APBA2: variants seen among roughly 807,000 people sequenced by gnomAD.
APBA2 encodes amyloid-beta A4 precursor protein-binding family A member 2.
A neutral mutation model predicts 75.0 loss-of-function variants in APBA2; 30 were observed. That is an observed-to-expected ratio of 0.40 (90% confidence interval 0.30 to 0.54). The LOEUF (loss-of-function observed/expected upper bound fraction) is 0.54. Ranked by LOEUF, APBA2 falls within the 20% of genes least tolerant of loss-of-function variation. APBA2 has a pLI of 0.49. For missense variants in APBA2, 801 were observed against 1,016.1 expected, an observed-to-expected ratio of 0.79 and a Z score of 2.88; for synonymous variants, 444 against 409.6, an observed-to-expected ratio of 1.08 and a Z score of -1.01.
At chr15:29,101,517 C>T (rs2044121780) in intron 9 of APBA2, 82 bp from the exon 10 acceptor site, 2 of 1,485,398 alleles carry the variant, frequency 1.3e-6, no homozygotes, top group Non-Finnish European at 1.8e-6. Flanking sequence ...CAGGCTTGAG[C>T]CACCATGCCC....
Position 29,024,699 on chromosome 15 carries a change from C to G in APBA2, c.-41+28893C>G, listed in dbSNP as rs148245150. On this transcript the variant is annotated intron_variant, in intron 3 of 14. Transcript: ENST00000683413. ...GAAACAACAGCAGAATCTCATAGGA[C>G]GAGAATTTTTCTTCCTGTTTGTAGG... is the stretch of plus-strand genomic sequence containing the variant. Among the ~76,000 whole-genome samples, 120 of 152,254 alleles carry G rather than the reference C, an allele frequency of 7.9e-4. 1 individual carries two copies. In the East Asian group the frequency reaches 0.018, roughly 23 times the overall value.
At chr15:29,113,096 A>C (rs1170052843) in intron 13 of APBA2, among the ~76,000 whole-genome samples, 1 of 152,108 alleles carries the variant, frequency 6.6e-6, no homozygotes, top group Non-Finnish European at 1.5e-5. Context: ...TTTCTCCGCT[A>C]GTCCGTGCTG....
At chr15:29,018,917 C>T (rs2039811619) in intron 3 of APBA2, among the ~76,000 whole-genome samples, 1 of 152,156 alleles carries the variant, frequency 6.6e-6, no homozygotes, top group Admixed American at 6.5e-5. Context: ...TTAACTGGGA[C>T]ATGAGGATCC....
intron 2 of APBA2, chr15:28,990,905 A>C (rs926685247): frequency 1.3e-5 from 2 of 152,190 alleles, no homozygotes; most frequent in Non-Finnish European, 2.9e-5. Flanking sequence ...CAAACAAAAC[A>C]ATTGTTTCTG....
intron 3 of APBA2, among the ~76,000 whole-genome samples, chr15:29,007,248 C>A (rs2039165347): frequency 6.6e-6 from 1 of 152,116 alleles, no homozygotes; most frequent in Non-Finnish European, 1.5e-5. Context: ...CAAAATAGAT[C>A]AAAGACCTGA....
At position 29,053,833 on chromosome 15, in the gene APBA2, T is replaced by G; in HGVS notation, c.-40-12T>G. 6.6e-7 allele frequency: 1 copy of G among 1,524,744 alleles called. No individual in the cohort carries two copies. The highest frequency in any genetic ancestry group is 8.9e-7 in the Non-Finnish European group (1 of 1,117,534). 94.5% of individuals were successfully genotyped at this position (1,524,744 alleles called of 1,614,324 possible). Reference sequence around the variant, plus strand: ...GTTTTGACTCTGTCCTTCCCAATGTTCCTCCCCACAGTGGCTGCCTCCGGG... The same window carrying G: ...GTTTTGACTCTGTCCTTCCCAATGTGCCTCCCCACAGTGGCTGCCTCCGGG... On this transcript the variant is annotated splice_polypyrimidine_tract_variant and intron_variant, in intron 3 of 14. Transcript: ENST00000683413.
chr15:29,055,549 A>G (rs1256159459), intron 4 of APBA2, among the ~76,000 whole-genome samples: 1 of 152,182 alleles, frequency 6.6e-6, no homozygotes, highest in East Asian at 1.9e-4. Flanking sequence ...TATAAAGAAG[A>G]TGTGATTATT....
At chr15:29,042,426 C>T (rs1287912166) in intron 3 of APBA2, among the ~76,000 whole-genome samples, 2 of 152,024 alleles carry the variant, frequency 1.3e-5, no homozygotes, top group East Asian at 3.9e-4. Flanking sequence ...GTGCATGCCA[C>T]CACGTGTATT....
chr15:29,093,706 C>A (rs1319790258), intron 7 of APBA2, among the ~76,000 whole-genome samples: 1 of 152,148 alleles, frequency 6.6e-6, no homozygotes, highest in Non-Finnish European at 1.5e-5. Flanking sequence ...GCCACGTCAG[C>A]AAAATTAAAT....
chr15:29,019,152 C>G (rs2039824731), intron 3 of APBA2, among the ~76,000 whole-genome samples: 1 of 152,198 alleles, frequency 6.6e-6, no homozygotes, highest in Non-Finnish European at 1.5e-5. Flanking sequence ...CCCCTCACCC[C>G]TGGTGACTTG....
intron 2 of APBA2, among the ~76,000 whole-genome samples, chr15:28,992,651 C>T (rs1003145826): frequency 6.6e-6 from 1 of 152,148 alleles, no homozygotes; most frequent in Non-Finnish European, 1.5e-5. Context: ...CTGGGCTAGT[C>T]TAGGCAAGGC....
chr15:28,897,617 C>CAAA (rs370287342), intron 1 of APBA2, among the ~76,000 whole-genome samples: 39,424 of 78,374 alleles, frequency 0.5, 8,743 homozygotes, highest in Non-Finnish European at 0.58. Context: ...GATTCCGTCT[C>CAAA]AAAAAAAAAA....
chr15:29,079,643 C>T (rs879689361), intron 6 of APBA2, among the ~76,000 whole-genome samples: 1 of 152,088 alleles, frequency 6.6e-6, no homozygotes, highest in Non-Finnish European at 1.5e-5. Flanking sequence ...AGCCTCCTGG[C>T]GTGTCCAGTG....
chr15:29,113,490 G>A (rs958979339), intron 13 of APBA2, among the ~76,000 whole-genome samples: 1 of 151,972 alleles, frequency 6.6e-6, no homozygotes, highest in African/African-American at 2.4e-5. Flanking sequence ...CTCCTTTCCC[G>A]CCCGCCCATC....
intron 1 of APBA2, among the ~76,000 whole-genome samples, chr15:28,912,071 A>G (rs2033455174): frequency 1.3e-5 from 2 of 152,288 alleles, no homozygotes; most frequent in Admixed American, 6.5e-5. Flanking sequence ...TTTTAGTTTC[A>G]TATCAGTTCC....
chr15:29,064,992 C>G (rs948191013), intron 4 of APBA2, among the ~76,000 whole-genome samples: 1 of 151,222 alleles, frequency 6.6e-6, no homozygotes, highest in Non-Finnish European at 1.5e-5. Flanking sequence ...GCCAGCAAGC[C>G]GAGGTGCTCA....
intron 4 of APBA2, among the ~76,000 whole-genome samples, 196 bp from the exon 5 acceptor site, chr15:29,074,725 T>A (rs2042772299): frequency 6.6e-6 from 1 of 152,204 alleles, no homozygotes. Flanking sequence ...TTAAAATAAC[T>A]TTTTTAGAAG....
At chr15:28,996,779 A>G (rs1005744261) in intron 3 of APBA2, among the ~76,000 whole-genome samples, 4 of 152,206 alleles carry the variant, frequency 2.6e-5, no homozygotes, top group Admixed American at 2.6e-4. Context: ...AAGCTTGGAC[A>G]GGGAGGCAGT....
chr15:28,960,963 T>C (rs954482115), intron 2 of APBA2, among the ~76,000 whole-genome samples: 5 of 152,000 alleles, frequency 3.3e-5, no homozygotes, highest in African/African-American at 9.7e-5. Context: ...TTCTCCATGT[T>C]GGTCAGGCTG....
Sources: allele counts gnomAD v4.1 joint callset (sites outside exome capture counted in the v4.1 genomes callset), GRCh38; gene constraint gnomAD v4.1.1; transcripts MANE v1.5; gene names NCBI Gene and HGNC (gene_info 2026-07-23, HGNC 2026-07-21).